VSIG2: variants seen among roughly 807,000 people sequenced by gnomAD.
The protein encoded by VSIG2 is V-set and immunoglobulin domain containing 2, also known as V-set and immunoglobulin domain-containing protein 2.
Under a neutral mutation model 29.4 loss-of-function variants are expected in VSIG2, and 30 were observed. The ratio of observed to expected loss-of-function variants is 1.02; its 90% confidence interval spans 0.76 to 1.38. The LOEUF (loss-of-function observed/expected upper bound fraction) is 1.38. Among genes scored for constraint, VSIG2 ranks in the 40% most tolerant of loss-of-function variants. The pLI, the probability that VSIG2 is intolerant of heterozygous loss-of-function variation, is 0.00. For synonymous variants in VSIG2, 178 were observed against 174.2 expected (o/e 1.02, Z -0.17); for missense variants, 421 against 400.8 (o/e 1.05, Z -0.43).
intron 2 of VSIG2, 143 bp downstream of exon 2, chr11:124,751,280 C>T: frequency 1.0e-6 from 1 of 986,142 alleles, no homozygotes; most frequent in Non-Finnish European, 1.5e-6. Context: ...CAGACTGCAG[C>T]TCTGAAAAGA....
Position 124,749,870 on chromosome 11 carries a change from C to CAACAAAA in VSIG2, c.428-5_428-4insTTTTGTT. On this transcript the variant is annotated splice_polypyrimidine_tract_variant and splice_region_variant and intron_variant, in intron 3 of 6. Coordinates refer to ENST00000326621, the MANE Select transcript of VSIG2 (RefSeq NM_014312.5). ...CATAAGGGATTACTGGGGGGAACTG[C>CAACAAAA]AAAAAAAAAAAAAAAAAAAAAAAAA... is the stretch of plus-strand genomic sequence containing the variant. 1.3e-6 allele frequency: 1 copy of CAACAAAA among 779,014 alleles called. No homozygotes were observed. Among genetic ancestry groups the CAACAAAA allele is most frequent in the Admixed American group, 9.3e-5 (1 of 10,738 alleles). 48.3% of individuals were successfully genotyped at this position (779,014 alleles called of 1,614,324 possible).
In VSIG2 at chr11:124,751,518, C is replaced by T. The variant is rs773070882; in HGVS notation, c.124G>A (p.Glu42Lys). The change falls in exon 2 of 7, where the codon GAG (glutamate) becomes AAG (lysine). Residue 42 changes from glutamate to lysine, a missense_variant. By Grantham distance (56) the Glu-to-Lys change is moderately conservative. Coordinates refer to ENST00000326621, the MANE Select transcript of VSIG2 (RefSeq NM_014312.5). ...PLSTPLGKTA[E>K]LTCTYSTSVG... is the part of the protein sequence containing the mutation. ...GACGTGCTGTAGGTGCAGGTCAGCT[C>T]GGCTGTCTTCCCCAGGGGCGTGCTC... 9 of 1,612,594 alleles carry T rather than the reference C, an allele frequency of 5.6e-6. No homozygotes were observed. Among genetic ancestry groups the T allele is most frequent in the Non-Finnish European group, 7.6e-6 (9 of 1,179,938 alleles).
intron 4 of VSIG2, among the ~76,000 whole-genome samples, chr11:124,749,258 G>C (rs1944052464): frequency 6.6e-6 from 1 of 152,166 alleles, no homozygotes; most frequent in Admixed American, 6.5e-5. Context: ...GTTTGCTGGG[G>C]CTGGAGAGAG....
rs768657008 is a variant in VSIG2, at chr11:124,749,809, G to T, written c.485C>A (p.Thr162Asn). The T allele has an allele frequency of 6.7e-6, 10 of 1,501,414 alleles. No individual in the cohort carries two copies. The highest frequency in any genetic ancestry group is 4.5e-6 in the Non-Finnish European group (5 of 1,110,228). 93.0% of individuals were successfully genotyped at this position (1,501,414 alleles called of 1,614,324 possible). ...CTCGGAAGAGCTGCATCTCAGTGCA[G>T]TAGAGCCTCCCACAGAGGTTTGTCC... ...QSGQTSVGGS[T>N]ALRCSSSEGA... Residue 162 changes from threonine (T) to asparagine (N), a missense_variant, in exon 4 of 7, where the codon ACT becomes AAT. Coordinates refer to ENST00000326621, the MANE Select transcript of VSIG2 (RefSeq NM_014312.5).
rs765746366 is a variant in VSIG2 at position 124,751,578 on chromosome 11, G to A, written c.64C>T (p.Leu22=). The change falls in exon 2 of 7, where the codon CTG becomes TTG. Residue 22 remains leucine (L), a splice_region_variant and synonymous_variant. Transcript: ENST00000326621. The part of the protein sequence containing the change: ...ALLGFLCLSG[L]AVEVKVPTEP... ...GTGGGTACCTTCACCTCCACGGCCA[G>A]CCCTGGGGCCGGGGACCAGAGGGAG... The A allele has an allele frequency of 1.3e-6, 2 of 1,587,822 alleles. No individual in the cohort carries two copies. The highest frequency in any genetic ancestry group is 4.5e-5 in the East Asian group (2 of 44,530).
At position 124,751,520 on chromosome 11, in the gene VSIG2, G is replaced by A. The variant is rs767545319; in HGVS notation, c.122C>T (p.Ala41Val). Reference sequence around the variant, plus strand: ...CGTGCTGTAGGTGCAGGTCAGCTCGGCTGTCTTCCCCAGGGGCGTGCTCAG... The same window carrying A: ...CGTGCTGTAGGTGCAGGTCAGCTCGACTGTCTTCCCCAGGGGCGTGCTCAG... Reference protein sequence around the residue: ...EPLSTPLGKTAELTCTYSTSV... With the variant: ...EPLSTPLGKTVELTCTYSTSV... Residue 41 changes from alanine (A) to valine (V), a missense_variant, in exon 2 of 7, where the codon GCC becomes GTC. By Grantham distance (64) the Ala-to-Val change is moderately conservative. Coordinates refer to ENST00000326621, the MANE Select transcript of VSIG2 (RefSeq NM_014312.5). 1 of 1,612,450 alleles carries A rather than the reference G, an allele frequency of 6.2e-7. No homozygotes were observed. Among genetic ancestry groups the A allele is most frequent in the East Asian group, 2.2e-5 (1 of 44,866 alleles).
rs186596267 is a variant in VSIG2, at chr11:124,748,327, C to A, written c.851+63G>T. On this transcript the variant is annotated intron_variant, in intron 6 of 6. Coordinates refer to ENST00000326621, the MANE Select transcript of VSIG2 (RefSeq NM_014312.5). ...GATGTCGGAGTTTGAGGGTTGCAGGCACCCGCTTTTAACTCAAGCCCTTTC... is the reference window on the plus strand; with the variant it reads ...GATGTCGGAGTTTGAGGGTTGCAGGAACCCGCTTTTAACTCAAGCCCTTTC... The A allele has an allele frequency of 4.0e-6, 6 of 1,508,344 alleles. No homozygotes were observed. The African/African-American group carries it at 6.9e-5, about 17-fold the overall frequency. 93.4% of individuals were successfully genotyped at this position (1,508,344 alleles called of 1,614,324 possible). A position where few individuals can be genotyped will look rare whatever the true frequency, so the allele number is the denominator to read the frequency against.
At chr11:124,750,955 GTT>G in intron 2 of VSIG2, 34 bp from the exon 3 acceptor site, 1 of 1,605,102 alleles carries the variant, frequency 6.2e-7, no homozygotes, top group East Asian at 2.2e-5. Flanking sequence ...ATATGTGCCT[GTT>G]TCTGCCTGGC....
chr11:124,748,513 G>A lies in VSIG2; in HGVS notation c.728C>T (p.Ala243Val). ...CAGGAGCACCCCAATCAGAGCTCCG[G>A]CCACTCGGCCTTGGGAGGGTTCTAA... Reference protein sequence around the residue: ...SVTEPSQGRVAGALIGVLLGV... With the variant: ...SVTEPSQGRVVGALIGVLLGV... The change falls in exon 6 of 7, where the codon GCC (alanine) becomes GTC (valine). Residue 243 changes from alanine to valine, a missense_variant. Ala to Val is a moderately conservative substitution (Grantham distance 64). Transcript: ENST00000326621. 3.1e-6 allele frequency: 5 copies of A among 1,614,148 alleles called. No homozygotes were observed. The highest frequency in any genetic ancestry group is 4.2e-6 in the Non-Finnish European group (5 of 1,180,020).
intron 3 of VSIG2, 59 bp from the exon 4 acceptor site, chr11:124,749,925 C>A: frequency 6.8e-7 from 1 of 1,462,482 alleles, no homozygotes; most frequent in East Asian, 2.4e-5. Flanking sequence ...CTTCCAGCCC[C>A]ACTCCCAACT....
chr11:124,749,885 A>AC lies in VSIG2; in HGVS notation c.428-20_428-19insG, dbSNP rs376974429. The AC allele has an allele frequency of 0.01, 14,531 of 1,416,678 alleles. 274 individuals carry two copies. The African/African-American group carries it at 0.11, about 11-fold the overall frequency. 87.8% of individuals were successfully genotyped at this position (1,416,678 alleles called of 1,614,324 possible). ...GGGGGAACTGCAAAAAAAAAAAAAA[A>AC]AAAAAAAAAACAGAAAGTTCCTCAG... On this transcript the variant is annotated intron_variant, in intron 3 of 6. Coordinates refer to ENST00000326621, the MANE Select transcript of VSIG2 (RefSeq NM_014312.5).
At chr11:124,750,061 ATTC>A (rs1205409916) in intron 3 of VSIG2, among the ~76,000 whole-genome samples, 195 bp from the exon 4 acceptor site, 2 of 152,134 alleles carry the variant, frequency 1.3e-5, no homozygotes, top group Non-Finnish European at 2.9e-5. Context: ...GTTAGAGAAA[ATTC>A]TTCTTCATGT....
At chr11:124,752,037 C>T in intron 1 of VSIG2, 40 bp downstream of exon 1, 1 of 1,547,492 alleles carries the variant, frequency 6.5e-7, no homozygotes, top group Non-Finnish European at 8.7e-7. Flanking sequence ...AGGCCTATGC[C>T]CCCCAGCCCT....
At chr11:124,748,806 G>A in intron 4 of VSIG2, 43 bp from the exon 5 acceptor site, 1 of 1,613,974 alleles carries the variant, frequency 6.2e-7, no homozygotes, top group East Asian at 2.2e-5. Context: ...ATTCAACTCA[G>A]TGAGCAGCTC....
Position 124,749,886 on chromosome 11 carries a change from A to AAAAAC in VSIG2, c.428-21_428-20insGTTTT. ...GGGGAACTGCAAAAAAAAAAAAAAAAAAAAAAAAACAGAAAGTTCCTCAGC... is the reference window on the plus strand; with the variant it reads ...GGGGAACTGCAAAAAAAAAAAAAAAAAAAACAAAAAAAAACAGAAAGTTCCTCAGC... On this transcript the variant is annotated intron_variant, in intron 3 of 6. Transcript: ENST00000326621. 1.6e-6 allele frequency: 2 copies of AAAAAC among 1,278,596 alleles called. No homozygotes were observed. The highest frequency in any genetic ancestry group is 1.4e-5 in the South Asian group (1 of 71,772). 79.2% of individuals were successfully genotyped at this position (1,278,596 alleles called of 1,614,324 possible). A position where few individuals can be genotyped will look rare whatever the true frequency, so the allele number is the denominator to read the frequency against.
chr11:124,748,614 G>T (rs548328787), intron 5 of VSIG2, 30 bp downstream of exon 5: 3 of 1,608,246 alleles, frequency 1.9e-6, no homozygotes, highest in Middle Eastern at 1.7e-4. Flanking sequence ...ACACAAGGCT[G>T]CTGGCCTGGC....
chr11:124,747,705 GCCT>G, intron 6 of VSIG2, 38 bp from the exon 7 acceptor site: 1 of 1,598,288 alleles, frequency 6.3e-7, no homozygotes, highest in Non-Finnish European at 8.5e-7. Flanking sequence ...AACAGTAGAA[GCCT>G]CCTGCGGAGG....
At position 124,751,405 on chromosome 11, in the gene VSIG2, CA is replaced by C. The variant is rs767662112; in HGVS notation, c.219+17del. 3.7e-6 allele frequency: 6 copies of C among 1,609,614 alleles called. No individual in the cohort carries two copies. The African/African-American group carries it at 6.7e-5, about 18-fold the overall frequency. ...CCCTCCAGGCCAACCCAGCTTCATGCAGTCGCTCTCAGCTCACTGGATGGGA... is the reference window on the plus strand; with the variant it reads ...CCCTCCAGGCCAACCCAGCTTCATGCGTCGCTCTCAGCTCACTGGATGGGA... On this transcript the variant is annotated intron_variant, in intron 2 of 6. Coordinates refer to ENST00000326621, the MANE Select transcript of VSIG2 (RefSeq NM_014312.5).
At position 124,749,863 on chromosome 11, in the gene VSIG2, G is replaced by A. The variant is rs761373419; in HGVS notation, c.431C>T (p.Pro144Leu). ...LGLINLTVLV[P>L]PSNPLCSQSG... ...CTGACTGCATAAGGGATTACTGGGG[G>A]GAACTGCAAAAAAAAAAAAAAAAAA... The change falls in exon 4 of 7, where the codon CCC becomes CTC. Residue 144 changes from proline (P) to leucine (L), a missense_variant. Transcript: ENST00000326621. The A allele has an allele frequency of 2.0e-6, 2 of 1,021,148 alleles. No homozygotes were observed. The highest frequency in any genetic ancestry group is 2.6e-6 in the Non-Finnish European group (2 of 773,702). The allele number at this position is 1,021,148 out of a possible 1,614,324, so 63.3% of individuals were successfully genotyped here. A position where few individuals can be genotyped will look rare whatever the true frequency, so the allele number is the denominator to read the frequency against.
Sources: allele counts gnomAD v4.1 joint callset (sites outside exome capture counted in the v4.1 genomes callset), GRCh38; gene constraint gnomAD v4.1.1; transcripts MANE v1.5; gene names NCBI Gene and HGNC (gene_info 2026-07-23, HGNC 2026-07-21).